The following ESRRG variants were observed in gnomAD, a reference collection of about 807,000 sequenced individuals.
The protein encoded by ESRRG is estrogen-related receptor gamma.
A neutral mutation model predicts 44.0 loss-of-function variants in ESRRG; 13 were observed. The observed-to-expected ratio is 0.30, with a 90% CI of 0.19 to 0.47. ESRRG has a LOEUF of 0.47. ESRRG is among the 20% of genes least tolerant of loss of function. ESRRG has a pLI of 1.00. For missense variants in ESRRG, 395 were observed against 580.6 expected (o/e 0.68, Z 3.29); for synonymous variants, 215 against 214.6 (o/e 1.00, Z -0.02).
At chr1:216,798,470 A>G (rs553423209) in intron 2 of ESRRG, among the ~76,000 whole-genome samples, 3 of 152,200 alleles carry the variant, frequency 2.0e-5, no homozygotes, top group Non-Finnish European at 4.4e-5. Context: ...AACAAGGGAA[A>G]GAGGATGAAA....
At chr1:216,530,661 C>A (rs957839102) in intron 5 of ESRRG, among the ~76,000 whole-genome samples, 4 of 152,094 alleles carry the variant, frequency 2.6e-5, no homozygotes, top group Admixed American at 2.0e-4. Flanking sequence ...CTGCCACGTA[C>A]AAAAGGGAGT....
chr1:216,926,641 C>CT (rs957814958), intron 2 of ESRRG, among the ~76,000 whole-genome samples: 1 of 151,974 alleles, frequency 6.6e-6, no homozygotes, highest in Non-Finnish European at 1.5e-5. Flanking sequence ...TTTTTGTGGT[C>CT]TGAGAGGGAC....
intron 3 of ESRRG, among the ~76,000 whole-genome samples, chr1:216,632,839 A>G (rs1037358892): frequency 1.3e-5 from 2 of 152,206 alleles, no homozygotes; most frequent in Non-Finnish European, 1.5e-5. Context: ...TCAGCAATAA[A>G]TTTGACTGAT....
chr1:216,643,481 G>T (rs1047278971), intron 3 of ESRRG, among the ~76,000 whole-genome samples: 7 of 152,122 alleles, frequency 4.6e-5, no homozygotes, highest in African/African-American at 1.7e-4. Context: ...TAATTTCATA[G>T]AGACTGGCAA....
intron 1 of ESRRG, among the ~76,000 whole-genome samples, chr1:216,709,343 G>GTATATA (rs71163761): frequency 0.16 from 23,718 of 145,074 alleles, 2,009 homozygotes; most frequent in East Asian, 0.28. Context: ...GTGTGTGTGT[G>GTATATA]TATATATATA....
intron 2 of ESRRG, among the ~76,000 whole-genome samples, chr1:216,877,528 C>T (rs972198653): frequency 6.6e-6 from 1 of 151,824 alleles, no homozygotes; most frequent in Non-Finnish European, 1.5e-5. Context: ...CTCCGTCTCC[C>T]GAGTAGCTGG....
At chr1:216,609,733 G>C (rs1300022300) in intron 3 of ESRRG, among the ~76,000 whole-genome samples, 1 of 152,108 alleles carries the variant, frequency 6.6e-6, no homozygotes, top group East Asian at 1.9e-4. Context: ...AAAAAGACAG[G>C]AGACATAAGC....
Position 216,586,278 on chromosome 1 carries a change from T to C in ESRRG, c.590-18180A>G, listed in dbSNP as rs146405062. Among the ~76,000 whole-genome samples, 411 of 152,274 alleles carry C rather than the reference T, an allele frequency of 2.7e-3. 2 individuals are homozygous for C. Among genetic ancestry groups the C allele is most frequent in the African/African-American group, 9.5e-3 (396 of 41,558 alleles). The stretch of plus-strand genomic sequence containing the variant: ...CAAAACAAATTTTAGCATAATTTTT[T>C]AAGACGCTGGAATAAAACTTACTTC... On this transcript the variant is annotated intron_variant, in intron 3 of 6. Coordinates refer to ENST00000408911, the MANE Select transcript of ESRRG (RefSeq NM_001438.4).
intron 1 of ESRRG, among the ~76,000 whole-genome samples, chr1:217,134,522 G>T (rs2093020187): frequency 6.6e-6 from 1 of 152,168 alleles, no homozygotes; most frequent in Non-Finnish European, 1.5e-5. Flanking sequence ...CGGCCTCATG[G>T]ATCCAAGACC....
chr1:216,862,370 G>T (rs947372473), intron 2 of ESRRG: 2 of 151,924 alleles, frequency 1.3e-5, no homozygotes, highest in African/African-American at 4.8e-5. Context: ...GATTACAGGT[G>T]CGTGCCACCA....
chr1:217,064,614 C>T (rs1324189581), intron 1 of ESRRG, among the ~76,000 whole-genome samples: 1 of 152,190 alleles, frequency 6.6e-6, no homozygotes, highest in East Asian at 1.9e-4. Context: ...GTGAATGAGG[C>T]CAGGAGATTG....
At chr1:216,537,867 T>C (rs1307843029) in intron 5 of ESRRG, among the ~76,000 whole-genome samples, 1 of 152,070 alleles carries the variant, frequency 6.6e-6, no homozygotes, top group African/African-American at 2.4e-5. Context: ...TTTGAGAACT[T>C]AGAATTTAAC....
At chr1:216,669,090 T>C (rs2074600038) in intron 2 of ESRRG, among the ~76,000 whole-genome samples, 1 of 148,648 alleles carries the variant, frequency 6.7e-6, no homozygotes, top group African/African-American at 2.4e-5. Flanking sequence ...TTTTTTATAT[T>C]TTTAAACAGC....
At chr1:216,708,121 T>G (rs2082801234) in intron 1 of ESRRG, among the ~76,000 whole-genome samples, 1 of 152,138 alleles carries the variant, frequency 6.6e-6, no homozygotes. Context: ...CTTGGTATAT[T>G]CAACGTGTGT....
intron 1 of ESRRG, among the ~76,000 whole-genome samples, chr1:216,678,057 C>CT (rs2076410954): frequency 6.6e-6 from 1 of 152,198 alleles, no homozygotes; most frequent in Non-Finnish European, 1.5e-5. Context: ...AGCACGCTTC[C>CT]ATAAGCATAA....
intron 2 of ESRRG, among the ~76,000 whole-genome samples, chr1:216,885,103 G>A (rs2096496513): frequency 6.6e-6 from 1 of 151,378 alleles, no homozygotes; most frequent in South Asian, 2.1e-4. Context: ...AAAGTGGCTA[G>A]ATGACTTATG....
At chr1:216,522,295 C>A (rs1390491028) in intron 5 of ESRRG, among the ~76,000 whole-genome samples, 3 of 103,270 alleles carry the variant, frequency 2.9e-5, no homozygotes, top group Non-Finnish European at 5.2e-5. Flanking sequence ...GGTGAGGGAG[C>A]ATGAGGAGAC....
intron 1 of ESRRG, among the ~76,000 whole-genome samples, chr1:216,986,228 A>G (rs1351344116): frequency 1.3e-5 from 2 of 152,176 alleles, no homozygotes; most frequent in Non-Finnish European, 2.9e-5. Flanking sequence ...TGGGTTTCAT[A>G]GTTTATATTT....
intron 3 of ESRRG, among the ~76,000 whole-genome samples, chr1:216,568,306 G>T (rs1472821944): frequency 6.6e-6 from 1 of 152,166 alleles, no homozygotes; most frequent in Non-Finnish European, 1.5e-5. Flanking sequence ...TGACAGATCC[G>T]AAAGACATTT....
Sources: allele counts gnomAD v4.1 joint callset (sites outside exome capture counted in the v4.1 genomes callset), GRCh38; gene constraint gnomAD v4.1.1; transcripts MANE v1.5; gene names NCBI Gene and HGNC (gene_info 2026-07-23, HGNC 2026-07-21).